The following LEPR variants were observed in gnomAD, a reference collection of about 807,000 sequenced individuals.
LEPR encodes OB receptor.
Under a neutral mutation model 114.7 loss-of-function variants are expected in LEPR, and 56 were observed. The observed-to-expected ratio is 0.49, with a 90% confidence interval of 0.39 to 0.61. The LOEUF is 0.61. Among genes scored for constraint, LEPR ranks in the 20% least tolerant of loss-of-function variants. LEPR has a pLI of 0.00. For synonymous variants in LEPR, 443 were observed against 461.4 expected (o/e 0.96, Z 0.51); for missense variants, 1,202 against 1,352.9 (o/e 0.89, Z 1.75).
chr1:65,436,501 G>GTAAAGT (rs2100257736), intron 2 of LEPR, among the ~76,000 whole-genome samples: 1 of 152,282 alleles, frequency 6.6e-6, no homozygotes, highest in African/African-American at 2.4e-5. Flanking sequence ...CAAGCTAAGT[G>GTAAAGT]TAAAGTTAAA....
intron 2 of LEPR, among the ~76,000 whole-genome samples, chr1:65,548,088 G>T (rs527430139): frequency 3.9e-5 from 6 of 152,032 alleles, no homozygotes; most frequent in Non-Finnish European, 7.4e-5. Context: ...TCAGGAGCAG[G>T]TTGTTCAGTT....
At chr1:65,545,317 C>T (rs538170502) in intron 2 of LEPR, among the ~76,000 whole-genome samples, 11 of 152,070 alleles carry the variant, frequency 7.2e-5, no homozygotes, top group African/African-American at 2.4e-4. Flanking sequence ...TTTGGGTATA[C>T]ACCCAGTAAT....
At chr1:65,440,000 CAA>C (rs550347312) in intron 2 of LEPR, among the ~76,000 whole-genome samples, 56 of 58,138 alleles carry the variant, frequency 9.6e-4, no homozygotes, top group Middle Eastern at 0.019. Flanking sequence ...GATTCTGTCT[CAA>C]AAAAAAAAAA....
chr1:65,420,666 G>A (rs1435145847), upstream of LEPR: 3 of 1,554,366 alleles, frequency 1.9e-6, no homozygotes, highest in Non-Finnish European at 2.6e-6. Flanking sequence ...TCTGGCTTGG[G>A]CAGGCTGCCC....
intron 2 of LEPR, among the ~76,000 whole-genome samples, chr1:65,545,594 A>G (rs1651635295): frequency 6.6e-6 from 1 of 152,238 alleles, no homozygotes; most frequent in South Asian, 2.1e-4. Context: ...TTTTGGCTAC[A>G]TAAATGTCTT....
At chr1:65,468,177 C>T (rs1442046565) in intron 2 of LEPR, among the ~76,000 whole-genome samples, 2 of 152,188 alleles carry the variant, frequency 1.3e-5, no homozygotes, top group Non-Finnish European at 2.9e-5. Context: ...TTGGAAGCAA[C>T]TGCCCATCTT....
chr1:65,423,984 A>G (rs1034618458), intron 1 of LEPR, among the ~76,000 whole-genome samples: 5 of 152,218 alleles, frequency 3.3e-5, no homozygotes, highest in African/African-American at 1.2e-4. Flanking sequence ...CATAAGCTCA[A>G]TAAGGTGGCA....
rs770947251 is a variant in LEPR, at chr1:65,619,992, A to G, written c.2460A>G (p.Gly820=). The part of the protein sequence containing the change: ...SLYPIFMEGV[G]KPKIINSFTQ... Reference sequence around the variant, plus strand: ...ACCCAATATTTATGGAAGGAGTGGGAAAACCAAAGATAATTAATAGTTTCA... The same window carrying G: ...ACCCAATATTTATGGAAGGAGTGGGGAAACCAAAGATAATTAATAGTTTCA... The change falls in exon 17 of 20, where the codon GGA becomes GGG. Residue 820 remains glycine, a synonymous_variant. Coordinates refer to ENST00000349533, the MANE Select transcript of LEPR (RefSeq NM_002303.6). The G allele has an allele frequency of 6.2e-7, 1 of 1,611,866 alleles. No individual in the cohort carries two copies. The highest frequency in any genetic ancestry group is 2.2e-5 in the East Asian group (1 of 44,686).
intron 3 of LEPR, among the ~76,000 whole-genome samples, 176 bp downstream of exon 3, chr1:65,565,781 A>G (rs1653695612): frequency 6.6e-6 from 1 of 152,076 alleles, no homozygotes; most frequent in African/African-American, 2.4e-5. Context: ...TGTGAAAACG[A>G]AAACCCTTCC....
At chr1:65,572,662 G>C (rs1654284619) in intron 5 of LEPR, among the ~76,000 whole-genome samples, 2 of 152,076 alleles carry the variant, frequency 1.3e-5, no homozygotes, top group South Asian at 2.1e-4. Flanking sequence ...ACGATTGTCA[G>C]GTCCATGAGT....
chr1:65,450,882 C>G (rs1333414740), intron 2 of LEPR, among the ~76,000 whole-genome samples: 21 of 151,848 alleles, frequency 1.4e-4, no homozygotes, highest in South Asian at 2.1e-4. Context: ...AACTAGTTTA[C>G]AGTCCCACCA....
chr1:65,525,689 A>C, intron 2 of LEPR: 1 of 985,140 alleles, frequency 1.0e-6, no homozygotes, highest in Non-Finnish European at 1.2e-6. Flanking sequence ...GTTGCCCCGC[A>C]CCTTGGGCGA....
chr1:65,605,352 T>G, intron 11 of LEPR, 115 bp downstream of exon 11: 1 of 1,317,412 alleles, frequency 7.6e-7, no homozygotes, highest in Non-Finnish European at 1.1e-6. Context: ...GAAAAAAAAA[T>G]TGTTCCTGTT....
rs773148440 is a variant in LEPR at position 65,572,345 on chromosome 1, G to C, written c.390G>C (p.Gln130His). 2.8e-5 allele frequency: 31 copies of C among 1,099,230 alleles called. No homozygotes were observed. The Middle Eastern group carries it at 7.0e-4, about 25-fold the overall frequency. The allele number at this position is 1,099,230 out of a possible 1,614,324, so 68.1% of individuals were successfully genotyped here. Residue 130 changes from glutamine (Q) to histidine (H), a missense_variant, in exon 5 of 20, where the codon CAG becomes CAC. By Grantham distance (24) the Gln-to-His change is conservative. Coordinates refer to ENST00000349533, the MANE Select transcript of LEPR (RefSeq NM_002303.6). ...FQQIDANWNI[Q>H]CWLKGDLKLF... ...ATTCAGATGCAAACTGGAACATACA[G>C]TGCTGGCTAAAAGGAGACTTAAAAT...
intron 2 of LEPR, among the ~76,000 whole-genome samples, chr1:65,507,550 T>TATATAC (rs1553159580): frequency 3.4e-5 from 5 of 146,880 alleles, no homozygotes; most frequent in Middle Eastern, 3.6e-3. Flanking sequence ...TATATATATA[T>TATATAC]ACACACACAC....
chr1:65,446,446 T>C (rs1040069427), intron 2 of LEPR, among the ~76,000 whole-genome samples: 1 of 152,228 alleles, frequency 6.6e-6, no homozygotes, highest in African/African-American at 2.4e-5. Context: ...AGAGGTCACT[T>C]TCATTGCCAT....
intron 5 of LEPR, among the ~76,000 whole-genome samples, chr1:65,579,105 GA>G (rs1198111564): frequency 6.6e-6 from 1 of 152,172 alleles, no homozygotes. Context: ...TAGTTGGTGA[GA>G]AGGTGCTCTA....
chr1:65,424,512 G>A (rs563939538), intron 1 of LEPR, among the ~76,000 whole-genome samples: 8 of 151,672 alleles, frequency 5.3e-5, no homozygotes, highest in Non-Finnish European at 8.8e-5. Flanking sequence ...ATAGGGGTTA[G>A]GTACTGGAAT....
At chr1:65,582,361 A>G (rs1463647883) in intron 5 of LEPR, among the ~76,000 whole-genome samples, 1 of 152,048 alleles carries the variant, frequency 6.6e-6, no homozygotes, top group Non-Finnish European at 1.5e-5. Context: ...CTTCAGGAGG[A>G]GCTAGTTTTG....
Sources: allele counts gnomAD v4.1 joint callset (sites outside exome capture counted in the v4.1 genomes callset), GRCh38; gene constraint gnomAD v4.1.1; transcripts MANE v1.5; gene names NCBI Gene and HGNC (gene_info 2026-07-23, HGNC 2026-07-21).